EVC: variants seen among roughly 807,000 people sequenced by gnomAD.
EVC encodes the protein EvC ciliary complex subunit 1.
A neutral mutation model predicts 118.9 loss-of-function variants in EVC; 116 were observed. That is an observed-to-expected ratio of 0.98 (90% CI 0.84 to 1.14). The LOEUF (loss-of-function observed/expected upper bound fraction) is 1.14, where lower values mean the gene tolerates loss of function less well. Among genes scored for constraint, EVC ranks in the 50% most tolerant of loss-of-function variants. EVC has a pLI of 0.00. For synonymous variants in EVC, 619 were observed against 534.7 expected (o/e 1.16, Z -2.18); for missense variants, 1,401 against 1,246.4 (o/e 1.12, Z -1.87).
In EVC at chr4:5,756,205, GA is replaced by G. The variant is rs5855888; in HGVS notation, c.1465-44del. 336,507 of 1,143,752 alleles carry G rather than the reference GA, an allele frequency of 0.29. 19,832 individuals are homozygous for G. Among genetic ancestry groups the G allele is most frequent in the Middle Eastern group, 0.35 (1,609 of 4,622 alleles). 70.9% of individuals were successfully genotyped at this position (1,143,752 alleles called of 1,614,324 possible). A position where few individuals can be genotyped will look rare whatever the true frequency, so the allele number is the denominator to read the frequency against. ...CAGGGGATGGTTGGAGAACCTTCTG[GA>G]AAAAAAAAAAAAAACCCTGCATGTT... On this transcript the variant is annotated intron_variant, in intron 10 of 20. Coordinates refer to ENST00000264956, the MANE Select transcript of EVC (RefSeq NM_153717.3). This position sits in a 1 kb window ranked among gnomAD's most constrained non-coding sequence, Gnocchi z 4.2.
chr4:5,744,629 A>G (rs560042617), intron 6 of EVC, among the ~76,000 whole-genome samples: 3 of 152,270 alleles, frequency 2.0e-5, no homozygotes, highest in South Asian at 2.1e-4. Context: ...AATTCACTCA[A>G]TTGCCTAGCT....
At chr4:5,768,067 C>T (rs964488361) in intron 11 of EVC, among the ~76,000 whole-genome samples, 2 of 152,098 alleles carry the variant, frequency 1.3e-5, no homozygotes, top group African/African-American at 4.8e-5. Flanking sequence ...CATGTGTATG[C>T]TTGGCATTGC....
At position 5,738,712 on chromosome 4, in the gene EVC, G is replaced by GC. The variant is rs1728059295; in HGVS notation, c.703-3003dup. Among the ~76,000 whole-genome samples the GC allele has an allele frequency of 2.6e-5, 4 of 151,730 alleles. No individual in the cohort carries two copies. In the South Asian group the frequency reaches 8.3e-4, roughly 32 times the overall value. On this transcript the variant is annotated intron_variant, in intron 5 of 20. Coordinates refer to ENST00000264956, the MANE Select transcript of EVC (RefSeq NM_153717.3). The surrounding 1 kb of genome is among the most constrained non-coding windows in gnomAD (Gnocchi z 6.5). ...CTCCCGAGCAGCTGGGACCACAGGC[G>GC]CGCACCACCTCGCCCAGACAATTTT... is the stretch of plus-strand genomic sequence containing the variant.
intron 5 of EVC, among the ~76,000 whole-genome samples, chr4:5,740,470 CAAAAAAA>C (rs59318619): frequency 2.8e-5 from 3 of 105,578 alleles, no homozygotes; most frequent in Admixed American, 1.1e-4. Flanking sequence ...TACTCCATCT[CAAAAAAA>C]AAAAAAAAAA....
intron 11 of EVC, among the ~76,000 whole-genome samples, chr4:5,766,363 A>G (rs1732861520): frequency 2.1e-5 from 3 of 140,720 alleles, no homozygotes; most frequent in South Asian, 2.5e-4. Context: ...AACTTTGGTG[A>G]ATCTGACAAT....
Position 5,801,876 on chromosome 4 carries a change from A to G in EVC, c.2305-74A>G, listed in dbSNP as rs1010238888. ...GATCTGAACCAGGGCATGGGGAGGCAGGGACTGGATGGGCCGTGGGTGGCT... is the reference window on the plus strand; with the variant it reads ...GATCTGAACCAGGGCATGGGGAGGCGGGGACTGGATGGGCCGTGGGTGGCT... On this transcript the variant is annotated intron_variant, in intron 15 of 20. Coordinates refer to ENST00000264956, the MANE Select transcript of EVC (RefSeq NM_153717.3). 18 of 1,542,364 alleles carry G rather than the reference A, an allele frequency of 1.2e-5. No homozygotes were observed. The African/African-American group carries it at 2.0e-4, about 17-fold the overall frequency.
intron 1 of EVC, among the ~76,000 whole-genome samples, chr4:5,718,472 G>A (rs918077294): frequency 6.6e-6 from 1 of 152,070 alleles, no homozygotes; most frequent in Non-Finnish European, 1.5e-5. Context: ...ACTGTGTTTG[G>A]TGGTTATTTT....
At chr4:5,769,026 C>T (rs1733499610) in intron 11 of EVC, among the ~76,000 whole-genome samples, 1 of 151,980 alleles carries the variant, frequency 6.6e-6, no homozygotes, top group Non-Finnish European at 1.5e-5. Flanking sequence ...CATGATATTG[C>T]AGGCACAGTG....
intron 11 of EVC, among the ~76,000 whole-genome samples, chr4:5,761,231 A>G (rs971653249): frequency 2.6e-5 from 4 of 152,060 alleles, no homozygotes; most frequent in African/African-American, 9.7e-5. Flanking sequence ...GTAGGTGCTC[A>G]GTGAATGCCT....
chr4:5,801,529 A>C (rs976524237), intron 15 of EVC, among the ~76,000 whole-genome samples: 16 of 152,150 alleles, frequency 1.1e-4, no homozygotes, highest in Admixed American at 9.2e-4. Flanking sequence ...AAATACAAAA[A>C]ATTAGCCAGG....
the EVC span, chr4:5,825,598 G>A: frequency 1.2e-6 from 2 of 1,603,374 alleles, no homozygotes; most frequent in Non-Finnish European, 8.5e-7. This position sits in a 1 kb window ranked among gnomAD's most constrained non-coding sequence, Gnocchi z 4.4. Context: ...TTTGGGTGTA[G>A]CTGGTACCTC....
At chr4:5,800,237 C>T (rs953018413) in intron 15 of EVC, among the ~76,000 whole-genome samples, 1 of 152,020 alleles carries the variant, frequency 6.6e-6, no homozygotes, top group Non-Finnish European at 1.5e-5. Context: ...CCCAGCTACT[C>T]GGGAGGCTGA....
chr4:5,794,165 G>T (rs1713318022), intron 13 of EVC, among the ~76,000 whole-genome samples: 1 of 148,842 alleles, frequency 6.7e-6, no homozygotes, highest in South Asian at 2.1e-4. Flanking sequence ...ATAACAATTA[G>T]TGCAATATGG....
chr4:5,735,147 C>T (rs1727463651), intron 5 of EVC, among the ~76,000 whole-genome samples: 1 of 152,244 alleles, frequency 6.6e-6, no homozygotes, highest in Admixed American at 6.5e-5. Flanking sequence ...GTGGAGCCCA[C>T]TCTCTGGGGC....
intron 2 of EVC, among the ~76,000 whole-genome samples, chr4:5,721,121 C>A (rs911796396): frequency 6.6e-6 from 1 of 152,218 alleles, no homozygotes; most frequent in Admixed American, 6.5e-5. Flanking sequence ...CTCTTCCCCT[C>A]CTCTCTCTCT....
At chr4:5,773,145 G>C (rs1734238627) in intron 11 of EVC, among the ~76,000 whole-genome samples, 1 of 152,184 alleles carries the variant, frequency 6.6e-6, no homozygotes, top group Non-Finnish European at 1.5e-5. Context: ...ATGAACGTAT[G>C]CATGCTGTGA....
rs745640537 is a variant in EVC, at chr4:5,752,984, G to A, written c.1247G>A (p.Arg416Gln). 7.4e-6 allele frequency: 12 copies of A among 1,613,370 alleles called. No homozygotes were observed. Among genetic ancestry groups the A allele is most frequent in the African/African-American group, 4.0e-5 (3 of 74,944 alleles). ...LLAGEGKLSG[R>Q]QKEELLTQQH... ...GCTGGTGAGGGGAAGCTGTCCGGGC[G>A]GCAGAAGGAGGAGCTGCTCACGCAG... Residue 416 changes from arginine to glutamine, a missense_variant, in exon 9 of 21, where the codon CGG (arginine) becomes CAG (glutamine). Physicochemically the swap from Arg to Gln is conservative, Grantham distance 43 (BLOSUM62 1). Transcript: ENST00000264956.
intron 11 of EVC, among the ~76,000 whole-genome samples, chr4:5,765,594 G>T: frequency 7.6e-6 from 1 of 130,786 alleles, no homozygotes; most frequent in East Asian, 2.4e-4. Context: ...CTCCTGTATT[G>T]GGCGCATATA....
chr4:5,821,337 G>A, the EVC span: 7 of 169,680 alleles, frequency 4.1e-5, no homozygotes, highest in Non-Finnish European at 6.4e-5. The surrounding 1 kb of genome is among the most constrained non-coding windows in gnomAD (Gnocchi z 4.4). Flanking sequence ...AGTCCTTGGC[G>A]ATGTCCCCTC....
Sources: allele counts gnomAD v4.1 joint callset (sites outside exome capture counted in the v4.1 genomes callset), GRCh38; gene constraint gnomAD v4.1.1; non-coding constraint Gnocchi (gnomAD v3.1); transcripts MANE v1.5; gene names NCBI Gene and HGNC (gene_info 2026-07-23, HGNC 2026-07-21).